The following PCDHGB1 variants were observed in gnomAD, a reference collection of about 807,000 sequenced individuals.
PCDHGB1 encodes the protein protocadherin gamma subfamily B, 1.
In PCDHGB1, 34 loss-of-function variants were observed where a neutral mutation model predicts 56.6. The ratio of observed to expected loss-of-function variants is 0.60; its 90% confidence interval spans 0.46 to 0.80. The LOEUF is 0.80. Ranked by LOEUF, PCDHGB1 falls within the 30% of genes least tolerant of loss-of-function variation. The probability of loss-of-function intolerance (pLI) is 0.00; values close to 1 mark genes in which losing one functional copy is unlikely to be tolerated. For synonymous variants in PCDHGB1, 561 were observed against 505.9 expected (o/e 1.11, Z -1.46); for missense variants, 1,278 against 1,204.6 (o/e 1.06, Z -0.90).
chr5:141,395,605 A>G (rs1344642467), intron 1 of PCDHGB1: 3 of 198,976 alleles, frequency 1.5e-5, no homozygotes, highest in Non-Finnish European at 3.0e-5. Context: ...CCAAACTAGA[A>G]CTTCAGAAAA....
Position 141,359,394 on chromosome 5 carries a change from C to G in PCDHGB1, c.2409+6725C>G, listed in dbSNP as rs141452272. ...CAGTAGATAATTTATAACCTAAAAT[C>G]AAATTTTTTAAAAAATGTGTTTTTG... On this transcript the variant is annotated intron_variant, in intron 1 of 3. Coordinates refer to ENST00000523390, the MANE Select transcript of PCDHGB1 (RefSeq NM_018922.3). Among the ~76,000 whole-genome samples the G allele has an allele frequency of 8.6e-5, 13 of 151,974 alleles. No homozygotes were observed. In the East Asian group the frequency reaches 2.3e-3, roughly 27 times the overall value.
intron 2 of PCDHGB1, among the ~76,000 whole-genome samples, chr5:141,502,048 ACTTTATTCC>A (rs1055762924): frequency 6.6e-5 from 10 of 151,746 alleles, no homozygotes; most frequent in African/African-American, 2.4e-4. Context: ...TGCTCTCCCT[ACTTTATTCC>A]CATTAGCCCC....
chr5:141,401,350 A>G (rs1046893336), intron 1 of PCDHGB1, among the ~76,000 whole-genome samples: 2 of 152,226 alleles, frequency 1.3e-5, no homozygotes, highest in Non-Finnish European at 2.9e-5. Flanking sequence ...CTCAAAAAAA[A>G]GGAAGGAGAA....
chr5:141,419,742 T>G (rs1388509503), intron 1 of PCDHGB1: 3 of 1,613,742 alleles, frequency 1.9e-6, no homozygotes, highest in Non-Finnish European at 2.5e-6. Flanking sequence ...GAGGTGCGCA[T>G]GGTGCGTGCT....
intron 1 of PCDHGB1, chr5:141,404,124 C>G: frequency 1.2e-6 from 2 of 1,613,272 alleles, no homozygotes; most frequent in Non-Finnish European, 1.7e-6. Flanking sequence ...GAGAATCTAT[C>G]TTTTACATTA....
chr5:141,447,738 A>C (rs1365302023), intron 1 of PCDHGB1, among the ~76,000 whole-genome samples: 7 of 152,216 alleles, frequency 4.6e-5, no homozygotes, highest in Non-Finnish European at 8.8e-5. Context: ...ATTGAACTTA[A>C]GAGTCTTGCA....
intron 1 of PCDHGB1, chr5:141,393,842 T>A (rs1010461527): frequency 1.2e-6 from 2 of 1,613,830 alleles, no homozygotes; most frequent in African/African-American, 2.7e-5. Flanking sequence ...TAAATGACAA[T>A]AGACCAGAAG....
At chr5:141,441,368 G>A (rs1215599443) in intron 1 of PCDHGB1, 2 of 152,598 alleles carry the variant, frequency 1.3e-5, no homozygotes, top group African/African-American at 2.4e-5. Flanking sequence ...TGGGGCCGTG[G>A]ACCAGGAACA....
chr5:141,484,375 G>C (rs188702244), intron 1 of PCDHGB1, among the ~76,000 whole-genome samples: 2 of 152,258 alleles, frequency 1.3e-5, no homozygotes, highest in African/African-American at 4.8e-5. Flanking sequence ...ACTAGCAAAT[G>C]TCTGAATAAG....
At chr5:141,467,178 A>C (rs1344437465) in intron 1 of PCDHGB1, among the ~76,000 whole-genome samples, 1 of 151,604 alleles carries the variant, frequency 6.6e-6, no homozygotes, top group Non-Finnish European at 1.5e-5. Flanking sequence ...TCAGCCTCCC[A>C]AGTAGCTGGG....
chr5:141,442,164 C>A, intron 1 of PCDHGB1: 1 of 156,542 alleles, frequency 6.4e-6, no homozygotes, highest in Non-Finnish European at 1.4e-5. Context: ...GATCACTCTG[C>A]AAAGCTACAG....
intron 1 of PCDHGB1, chr5:141,357,613 A>G: frequency 6.2e-7 from 1 of 1,613,940 alleles, no homozygotes; most frequent in Non-Finnish European, 8.5e-7. Context: ...AGGAGACCCT[A>G]ATCTTCAGGT....
intron 1 of PCDHGB1, chr5:141,403,538 C>T (rs781129314): frequency 1.5e-5 from 24 of 1,613,874 alleles, no homozygotes; most frequent in Non-Finnish European, 1.5e-5. Flanking sequence ...AGAGCTGGTG[C>T]TGGAGCGCGC....
At position 141,421,672 on chromosome 5, in the gene PCDHGB1, C is replaced by T; in HGVS notation, c.2409+69003C>T. On this transcript the variant is annotated intron_variant, in intron 1 of 3. Coordinates refer to ENST00000523390, the MANE Select transcript of PCDHGB1 (RefSeq NM_018922.3). Reference sequence around the variant, plus strand: ...GATAAAAGTCAGTGAGCACGCAATTCCTGGGGCGCGATTTGCTCTTCCTAA... The same window carrying T: ...GATAAAAGTCAGTGAGCACGCAATTTCTGGGGCGCGATTTGCTCTTCCTAA... 4 of 1,613,862 alleles carry T rather than the reference C, an allele frequency of 2.5e-6. No individual in the cohort carries two copies. The highest frequency in any genetic ancestry group is 1.6e-4 in the Middle Eastern group (1 of 6,062).
chr5:141,463,500 G>A (rs866521006), intron 1 of PCDHGB1, among the ~76,000 whole-genome samples: 30 of 139,838 alleles, frequency 2.1e-4, no homozygotes, highest in African/African-American at 7.0e-4. Context: ...CCAGGCTGGA[G>A]TGACGTGGCG....
At chr5:141,462,314 A>C (rs1283684392) in intron 1 of PCDHGB1, among the ~76,000 whole-genome samples, 1 of 152,186 alleles carries the variant, frequency 6.6e-6, no homozygotes, top group Non-Finnish European at 1.5e-5. Flanking sequence ...TATATTTGTC[A>C]CTGATTTCTA....
chr5:141,355,560 G>C, intron 1 of PCDHGB1: 1 of 1,614,024 alleles, frequency 6.2e-7, no homozygotes, highest in Non-Finnish European at 8.5e-7. Flanking sequence ...TGCGGGTAGA[G>C]GTGGAAATAA....
At chr5:141,357,736 T>C (rs1561515678) in intron 1 of PCDHGB1, 6 of 1,323,830 alleles carry the variant, frequency 4.5e-6, no homozygotes, top group Non-Finnish European at 6.1e-6. Context: ...TAATATTTTA[T>C]TGCTTTAAAG....
chr5:141,501,130 G>A (rs528942194), intron 2 of PCDHGB1, among the ~76,000 whole-genome samples: 5 of 152,100 alleles, frequency 3.3e-5, no homozygotes, highest in African/African-American at 4.8e-5. Flanking sequence ...GCCTCCCTAA[G>A]TGCTGGGATT....
Sources: gnomAD v4.1 joint callset for allele counts (sites outside exome capture counted in the v4.1 genomes callset) on GRCh38, gnomAD v4.1.1 for gene constraint, MANE v1.5 for transcripts, NCBI Gene and HGNC (gene_info 2026-07-23, HGNC 2026-07-21) for gene names.